LIFR: variants seen among roughly 807,000 people sequenced by gnomAD.
LIFR encodes leukemia inhibitory factor receptor.
A neutral mutation model predicts 122.2 loss-of-function variants in LIFR; 84 were observed. The ratio of observed to expected loss-of-function variants is 0.69; its 90% confidence interval spans 0.58 to 0.82. The LOEUF is 0.82. Among genes scored for constraint, LIFR ranks in the 40% least tolerant of loss-of-function variants. The pLI is 0.00. For synonymous variants in LIFR, 422 were observed against 434.7 expected (o/e 0.97, Z 0.36); for missense variants, 1,294 against 1,311.6 (o/e 0.99, Z 0.21).
intron 14 of LIFR, 81 bp downstream of exon 14, chr5:38,493,525 C>T (rs1744709337): frequency 4.5e-6 from 6 of 1,331,342 alleles, no homozygotes; most frequent in Non-Finnish European, 6.5e-6. Context: ...TAAAGAGAAT[C>T]ACTTCACTGC....
chr5:38,494,797 G>A (rs1287775353), intron 13 of LIFR, among the ~76,000 whole-genome samples: 1 of 152,184 alleles, frequency 6.6e-6, no homozygotes, highest in African/African-American at 2.4e-5. Flanking sequence ...GGCCCTTGAC[G>A]GGATGCAGCC....
intron 2 of LIFR, among the ~76,000 whole-genome samples, chr5:38,603,585 T>C (rs1211934427): frequency 6.6e-6 from 1 of 152,126 alleles, no homozygotes; most frequent in Non-Finnish European, 1.5e-5. Context: ...AAGGTAGAGA[T>C]GCGCCCAGAC....
chr5:38,596,264 C>T (rs1245397916), upstream of LIFR, among the ~76,000 whole-genome samples: 1 of 152,220 alleles, frequency 6.6e-6, no homozygotes, highest in African/African-American at 2.4e-5. Flanking sequence ...TGCAAACTTT[C>T]CTGGGTCCAC....
chr5:38,557,620 C>T (rs1326588343), upstream of LIFR: 1 of 154,756 alleles, frequency 6.5e-6, no homozygotes, highest in Admixed American at 6.5e-5. Flanking sequence ...GCACCAAGGC[C>T]AACGTGTTTT....
intron 11 of LIFR, among the ~76,000 whole-genome samples, chr5:38,501,272 T>A (rs1745160882): frequency 6.6e-6 from 1 of 152,228 alleles, no homozygotes; most frequent in South Asian, 2.1e-4. Context: ...ATGATACAAG[T>A]AATTCTTACA....
Position 38,511,933 on chromosome 5 carries a change from T to C in LIFR, c.593A>G (p.Asp198Gly). Residue 198 changes from aspartate to glycine, a missense_variant, in exon 6 of 20, where the codon GAT becomes GGT. Transcript: ENST00000453190. ...VTHNTTLNGK[D>G]TLHHWSWASD... is the part of the protein sequence containing the mutation. The stretch of plus-strand genomic sequence containing the variant: ...GGCCCAACTCCAGTGATGAAGTGTA[T>C]CTTTGCCATTCAGAGTTGTGTTGTG... 3 of 1,614,096 alleles carry C rather than the reference T, an allele frequency of 1.9e-6. No homozygotes were observed. Among genetic ancestry groups the C allele is most frequent in the Non-Finnish European group, 2.5e-6 (3 of 1,180,000 alleles).
intron 12 of LIFR, among the ~76,000 whole-genome samples, chr5:38,498,484 G>A (rs993188876): frequency 2.0e-5 from 3 of 151,952 alleles, no homozygotes; most frequent in South Asian, 2.1e-4. Flanking sequence ...ATATCAAACC[G>A]CCTACTGAAC....
chr5:38,481,537 G>C lies in LIFR; in HGVS notation c.*58C>G, dbSNP rs990969498. ...TCCAAGAATGCCCAGTGCTGATGTA[G>C]CAACACTAGCAGTAAGAGCTTATTG... On this transcript the variant is annotated 3_prime_UTR_variant, in exon 20 of 20. Coordinates refer to ENST00000453190, the MANE Select transcript of LIFR (RefSeq NM_001127671.2). 60 of 1,566,356 alleles carry C rather than the reference G, an allele frequency of 3.8e-5. No individual in the cohort carries two copies. Among genetic ancestry groups the C allele is most frequent in the Non-Finnish European group, 5.0e-5 (57 of 1,136,900 alleles).
At chr5:38,568,071 T>A (rs1352537296) in intron 1 of LIFR, among the ~76,000 whole-genome samples, 2 of 152,224 alleles carry the variant, frequency 1.3e-5, no homozygotes, top group Non-Finnish European at 2.9e-5. Flanking sequence ...TTTCATTAAC[T>A]TATGTACAAA....
Position 38,538,456 on chromosome 5 carries a change from C to T in LIFR, c.-19-7790G>A, listed in dbSNP as rs537597374. Among the ~76,000 whole-genome samples the T allele has an allele frequency of 4.6e-5, 7 of 152,332 alleles. No individual in the cohort carries two copies. In the South Asian group the frequency reaches 1.4e-3, roughly 32 times the overall value. ...TCAGGCATGACAAAATATTCTGATGCTTCATATCCACTTGGATATTTCAGA... is the reference window on the plus strand; with the variant it reads ...TCAGGCATGACAAAATATTCTGATGTTTCATATCCACTTGGATATTTCAGA... On this transcript the variant is annotated intron_variant, in intron 1 of 19. Transcript: ENST00000453190.
At chr5:38,541,711 GA>G (rs1188635012) in intron 1 of LIFR, among the ~76,000 whole-genome samples, 1 of 152,230 alleles carries the variant, frequency 6.6e-6, no homozygotes, top group African/African-American at 2.4e-5. Flanking sequence ...TCTGTGGATG[GA>G]AAAAAATGGG....
chr5:38,555,307 G>A (rs1363092374), intron 1 of LIFR, among the ~76,000 whole-genome samples: 2 of 152,166 alleles, frequency 1.3e-5, no homozygotes, highest in Non-Finnish European at 2.9e-5. Flanking sequence ...AATCATGTAA[G>A]GGGAAGGGCA....
At chr5:38,522,208 C>A (rs1264624492) in intron 5 of LIFR, among the ~76,000 whole-genome samples, 1 of 152,190 alleles carries the variant, frequency 6.6e-6, no homozygotes, top group African/African-American at 2.4e-5. Context: ...TTAGTGGTGG[C>A]ACATCACGCC....
intron 1 of LIFR, among the ~76,000 whole-genome samples, chr5:38,562,357 C>G (rs924812073): frequency 3.9e-5 from 6 of 152,172 alleles, no homozygotes; most frequent in Non-Finnish European, 5.9e-5. Flanking sequence ...GAGCATTCTC[C>G]TCTGTCCCTG....
At chr5:38,569,229 T>C (rs1011986149) in intron 1 of LIFR, among the ~76,000 whole-genome samples, 15 of 152,256 alleles carry the variant, frequency 9.9e-5, no homozygotes, top group Non-Finnish European at 2.9e-5. Context: ...TCTCGAGTTA[T>C]ACTCCAAAGT....
At chr5:38,559,060 G>A (rs527490789), upstream of LIFR, 2 of 152,394 alleles carry the variant, frequency 1.3e-5, no homozygotes, top group Non-Finnish European at 2.9e-5. Flanking sequence ...ATGACCAGGT[G>A]AATGTATCGC....
chr5:38,599,708 G>A (rs1750189283), upstream of LIFR, among the ~76,000 whole-genome samples: 1 of 151,892 alleles, frequency 6.6e-6, no homozygotes, highest in Admixed American at 6.6e-5. Context: ...ACAGCTTTAG[G>A]TACTTTAAAA....
chr5:38,515,664 C>G lies in LIFR; in HGVS notation c.562-3700G>C, dbSNP rs565184829. 1.6e-4 allele frequency among the ~76,000 whole-genome samples: 24 copies of G among 151,434 alleles called. No homozygotes were observed. The East Asian group carries it at 4.1e-3, about 26-fold the overall frequency. ...GGAGAGGAGGAAAGGGAGGGGGTTG[C>G]TATCAAGAAATAGCAACATAAGCAT... On this transcript the variant is annotated intron_variant, in intron 5 of 19. Transcript: ENST00000453190.
intron 7 of LIFR, among the ~76,000 whole-genome samples, chr5:38,507,333 G>C (rs1027557084): frequency 1.3e-5 from 2 of 151,786 alleles, no homozygotes; most frequent in Admixed American, 1.3e-4. Flanking sequence ...GGAGGCCAAG[G>C]TGGGCAAATC....
Sources: gnomAD v4.1 joint callset for allele counts (sites outside exome capture counted in the v4.1 genomes callset) on GRCh38, gnomAD v4.1.1 for gene constraint, MANE v1.5 for transcripts, NCBI Gene and HGNC (gene_info 2026-07-23, HGNC 2026-07-21) for gene names.